The following PDRG1 variants were observed in gnomAD, a reference collection of about 807,000 sequenced individuals.
The protein encoded by PDRG1 is p53 and DNA damage regulated 1, also known as p53 and DNA damage-regulated protein 1.
In PDRG1, 14 loss-of-function variants were observed where a neutral mutation model predicts 18.4. The ratio of observed to expected loss-of-function variants is 0.76; its 90% CI spans 0.50 to 1.19. PDRG1 has a LOEUF of 1.19. Ranked by LOEUF, PDRG1 falls within the 50% of genes most tolerant of loss-of-function variation. PDRG1 has a pLI of 0.00. For missense variants in PDRG1, 177 were observed against 160.1 expected (o/e 1.11, Z -0.57); for synonymous variants, 65 against 60.9 (o/e 1.07, Z -0.31).
chr20:31,949,472 T>C (rs1255951554), intron 2 of PDRG1, among the ~76,000 whole-genome samples: 1 of 152,202 alleles, frequency 6.6e-6, no homozygotes, highest in Non-Finnish European at 1.5e-5. Flanking sequence ...CTCAGGAGGC[T>C]GAGGCACAAG....
At chr20:31,947,039 C>T (rs976490809) in intron 3 of PDRG1, among the ~76,000 whole-genome samples, 8 of 152,202 alleles carry the variant, frequency 5.3e-5, no homozygotes, top group African/African-American at 1.7e-4. Flanking sequence ...AAACATGTGA[C>T]GTAAACAATC....
chr20:31,946,510 A>C lies in PDRG1; in HGVS notation c.305T>G (p.Leu102Arg). The part of the protein sequence containing the change: ...RKQLKVKVNR[L>R]FEAQGKPELK... ...TAAGCCAATACCTTGGGCCTCAAAA[A>C]GGCGGTTGACCTTCACTTTAAGTTG... The change falls in exon 4 of 5, where the codon CTT becomes CGT. Residue 102 changes from leucine (L) to arginine (R), a missense_variant. Physicochemically the swap from Leu to Arg is moderately radical, Grantham distance 102 (BLOSUM62 -2). Coordinates refer to ENST00000202017, the MANE Select transcript of PDRG1 (RefSeq NM_030815.3). The C allele has an allele frequency of 6.2e-7, 1 of 1,610,506 alleles. No homozygotes were observed. The highest frequency in any genetic ancestry group is 8.5e-7 in the Non-Finnish European group (1 of 1,176,742).
chr20:31,948,182 CA>C (rs2064330320), intron 3 of PDRG1, among the ~76,000 whole-genome samples: 1 of 152,168 alleles, frequency 6.6e-6, no homozygotes, highest in South Asian at 2.1e-4. Flanking sequence ...GTCTCTATTG[CA>C]GGGCATGTAA....
At position 31,945,783 on chromosome 20, in the gene PDRG1, G is replaced by C. The variant is rs573351364; in HGVS notation, c.*24C>G. ...CCTCCATGACCCTGGGGGGTTGCTGGTCCCCCATCTTGGTTCTTGAGTCTC... is the reference window on the plus strand; with the variant it reads ...CCTCCATGACCCTGGGGGGTTGCTGCTCCCCCATCTTGGTTCTTGAGTCTC... On this transcript the variant is annotated 3_prime_UTR_variant, in exon 5 of 5. Transcript: ENST00000202017. The C allele has an allele frequency of 1.9e-6, 3 of 1,595,810 alleles. No homozygotes were observed. In the Admixed American group the frequency reaches 5.0e-5, roughly 27 times the overall value.
Position 31,944,339 on chromosome 20 carries a change from A to G in PDRG1, c.*1468T>C, listed in dbSNP as rs2064278445. 2 of 156,596 alleles carry G rather than the reference A, an allele frequency of 1.3e-5. No homozygotes were observed. The highest frequency in any genetic ancestry group is 2.8e-5 in the Non-Finnish European group (2 of 70,350). The allele number at this position is 156,596 out of a possible 1,614,324, so 9.7% of individuals were successfully genotyped here. On this transcript the variant is annotated 3_prime_UTR_variant, in exon 5 of 5. Transcript: ENST00000202017. ...CAGTCACACTGGACAACATCTAGCA[A>G]GGTGAATTCTGCAACTCCCTACTTT...
At chr20:31,949,638 G>C (rs2064339853) in intron 2 of PDRG1, among the ~76,000 whole-genome samples, 1 of 152,104 alleles carries the variant, frequency 6.6e-6, no homozygotes, top group Non-Finnish European at 1.5e-5. Context: ...AGTCATGTTG[G>C]GGGTGGGGGG....
chr20:31,946,169 AC>A (rs2064316495), intron 4 of PDRG1, among the ~76,000 whole-genome samples: 1 of 152,098 alleles, frequency 6.6e-6, no homozygotes, highest in Middle Eastern at 3.2e-3. Flanking sequence ...TTCAGCTCTG[AC>A]CTCACTCACT....
At chr20:31,948,505 C>T (rs960618871) in intron 3 of PDRG1, among the ~76,000 whole-genome samples, 1 of 152,238 alleles carries the variant, frequency 6.6e-6, no homozygotes, top group Non-Finnish European at 1.5e-5. Flanking sequence ...TTCCTTAAGC[C>T]TCAATTTGTT....
intron 2 of PDRG1, 65 bp from the exon 3 acceptor site, chr20:31,948,947 T>G (rs2064335243): frequency 6.8e-7 from 1 of 1,462,430 alleles, no homozygotes; most frequent in Admixed American, 1.7e-5. Context: ...TGCCAGGCAT[T>G]GTTTTAGATA....
At chr20:31,947,341 C>T (rs968954400) in intron 3 of PDRG1, among the ~76,000 whole-genome samples, 2 of 152,194 alleles carry the variant, frequency 1.3e-5, no homozygotes, top group African/African-American at 4.8e-5. Flanking sequence ...CCCCAATGTC[C>T]ATGAGCTTGT....
chr20:31,949,356 G>C (rs1163199960), intron 2 of PDRG1, among the ~76,000 whole-genome samples: 1 of 152,232 alleles, frequency 6.6e-6, no homozygotes, highest in Non-Finnish European at 1.5e-5. Flanking sequence ...TGGATCACTT[G>C]AGGCCAGGAC....
In PDRG1 at chr20:31,945,145, A is replaced by T. The variant is rs1336015252; in HGVS notation, c.*662T>A. 2 of 152,200 alleles carry T rather than the reference A, an allele frequency of 1.3e-5. No individual in the cohort carries two copies. The highest frequency in any genetic ancestry group is 4.8e-5 in the African/African-American group (2 of 41,390). The allele number at this position is 152,200 out of a possible 1,614,324, so 9.4% of individuals were successfully genotyped here. A position where few individuals can be genotyped will look rare whatever the true frequency, so the allele number is the denominator to read the frequency against. On this transcript the variant is annotated 3_prime_UTR_variant, in exon 5 of 5. Coordinates refer to ENST00000202017, the MANE Select transcript of PDRG1 (RefSeq NM_030815.3). The stretch of plus-strand genomic sequence containing the variant: ...GTGTCATATGGTAAGAGGCGCATCC[A>T]CTCACCCAGGCCTGGTGCAGGACTC...
chr20:31,945,839 G>A lies in PDRG1; in HGVS notation c.370C>T (p.Leu124Phe). 1 of 1,613,986 alleles carries A rather than the reference G, an allele frequency of 6.2e-7. No individual in the cohort carries two copies. Among genetic ancestry groups the A allele is most frequent in the South Asian group, 1.1e-5 (1 of 91,058 alleles). ...TTCAAGATGACCTTGAGAGCTTTAA[G>A]CTCATCCTGGTTGAGGGGGTTCAAG... ...FNLNPLNQDE[L>F]KALKVILKG is the part of the protein sequence containing the mutation. The change falls in exon 5 of 5, where the codon CTT (leucine) becomes TTT (phenylalanine). Residue 124 changes from leucine to phenylalanine, a missense_variant. Leu to Phe is a conservative substitution (Grantham distance 22, BLOSUM62 0). Coordinates refer to ENST00000202017, the MANE Select transcript of PDRG1 (RefSeq NM_030815.3).
At chr20:31,949,986 G>A (rs1189437910) in intron 2 of PDRG1, among the ~76,000 whole-genome samples, 3 of 152,062 alleles carry the variant, frequency 2.0e-5, no homozygotes, top group African/African-American at 4.8e-5. Context: ...TTTCAATTAC[G>A]CATTTTACGT....
intron 3 of PDRG1, 90 bp downstream of exon 3, chr20:31,948,718 G>T: frequency 8.2e-7 from 1 of 1,220,594 alleles, no homozygotes; most frequent in Non-Finnish European, 1.2e-6. Context: ...CTCTCCTTAC[G>T]CTGCCTGAAG....
Position 31,948,889 on chromosome 20 carries a change from G to T in PDRG1, c.164-7C>A. The T allele has an allele frequency of 6.2e-7, 1 of 1,613,296 alleles. No homozygotes were observed. Among genetic ancestry groups the T allele is most frequent in the Non-Finnish European group, 8.5e-7 (1 of 1,179,612 alleles). On this transcript the variant is annotated splice_polypyrimidine_tract_variant and splice_region_variant and intron_variant, in intron 2 of 4. Transcript: ENST00000202017. ...AAGCAAACCATCACATCTTCTGAAA[G>T]AGCAAATAGTAATTCCTTCAACAAT...
intron 1 of PDRG1, 39 bp downstream of exon 1, chr20:31,951,836 C>G (rs1300057139): frequency 6.5e-6 from 10 of 1,527,028 alleles, no homozygotes; most frequent in African/African-American, 1.4e-5. Flanking sequence ...TCCCACGGCG[C>G]CGGCCGCCAG....
chr20:31,949,664 G>A (rs1323600910), intron 2 of PDRG1, among the ~76,000 whole-genome samples: 2 of 151,972 alleles, frequency 1.3e-5, no homozygotes, highest in African/African-American at 4.8e-5. Flanking sequence ...AGATGATATT[G>A]GCACACTCAT....
rs1301804002 is a variant in PDRG1 at position 31,944,499 on chromosome 20, G to GTGCT, written c.*1304_*1307dup. 1 of 152,412 alleles carries GTGCT rather than the reference G, an allele frequency of 6.6e-6. No individual in the cohort carries two copies. The highest frequency in any genetic ancestry group is 6.5e-5 in the Admixed American group (1 of 15,306). The allele number at this position is 152,412 out of a possible 1,614,324, so 9.4% of individuals were successfully genotyped here. Reference sequence around the variant, plus strand: ...GGTGCTGTTCTGAGGGAATCACACTGTGCTTGCACAAAAATTATTAGCTTA... The same window carrying GTGCT: ...GGTGCTGTTCTGAGGGAATCACACTGTGCTTGCTTGCACAAAAATTATTAGCTTA... On this transcript the variant is annotated 3_prime_UTR_variant, in exon 5 of 5. Transcript: ENST00000202017.
Sources: gnomAD v4.1 joint callset for allele counts (sites outside exome capture counted in the v4.1 genomes callset) on GRCh38, gnomAD v4.1.1 for gene constraint, MANE v1.5 for transcripts, NCBI Gene and HGNC (gene_info 2026-07-23, HGNC 2026-07-21) for gene names.